FGGY: variants seen among roughly 807,000 people sequenced by gnomAD.
The protein encoded by FGGY is FGGY carbohydrate kinase domain-containing protein.
Under a neutral mutation model 71.3 loss-of-function variants are expected in FGGY, and 72 were observed. The ratio of observed to expected loss-of-function variants is 1.01; its 90% CI spans 0.84 to 1.23. The LOEUF is 1.23. FGGY is among the 50% of genes most tolerant of loss of function. The pLI, the probability that FGGY is intolerant of heterozygous loss-of-function variation, is 0.00. For synonymous variants in FGGY, 251 were observed against 250.3 expected, an observed-to-expected ratio of 1.00 and a Z score of -0.02; for missense variants, 668 against 682.3, an observed-to-expected ratio of 0.98 and a Z score of 0.23.
intron 5 of FGGY, among the ~76,000 whole-genome samples, chr1:59,431,851 A>G (rs1484010820): frequency 4.6e-5 from 7 of 152,038 alleles, no homozygotes; most frequent in Non-Finnish European, 7.4e-5. Context: ...TTAGACTTTG[A>G]CTCTGGTTCC....
At chr1:59,718,165 A>C (rs2097858573) in intron 14 of FGGY, among the ~76,000 whole-genome samples, 1 of 152,220 alleles carries the variant, frequency 6.6e-6, no homozygotes, top group Non-Finnish European at 1.5e-5. Context: ...TTGACTAAAG[A>C]TCAAACAACT....
At chr1:59,654,793 G>A (rs907590288) in intron 11 of FGGY, among the ~76,000 whole-genome samples, 5 of 152,128 alleles carry the variant, frequency 3.3e-5, no homozygotes, top group East Asian at 1.9e-4. Context: ...ACCTACACTC[G>A]ACTAGGATCC....
intron 1 of FGGY, among the ~76,000 whole-genome samples, chr1:59,300,602 A>G (rs1369233996): frequency 6.6e-6 from 1 of 152,178 alleles, no homozygotes; most frequent in African/African-American, 2.4e-5. Flanking sequence ...CTATTTTTAA[A>G]AGAAGTTTTG....
rs6703324 is a variant in FGGY, at chr1:59,642,917, C to T, written c.1221+4542C>T. Among the ~76,000 whole-genome samples the T allele has an allele frequency of 4.1e-3, 618 of 151,310 alleles. 2 individuals carry two copies. The highest frequency in any genetic ancestry group is 0.014 in the African/African-American group (572 of 41,224). ...GGGCATGGTGGCGGGTGGCTGTAGT[C>T]CCAGCTACTCGGGAGGCTGAGGCAG... is the stretch of plus-strand genomic sequence containing the variant. On this transcript the variant is annotated intron_variant, in intron 11 of 15. Transcript: ENST00000303721.
chr1:59,676,335 T>C (rs4451573), intron 14 of FGGY, among the ~76,000 whole-genome samples: 2,297 of 152,248 alleles, frequency 0.015, 57 homozygotes, highest in African/African-American at 0.052. Context: ...TGTCATTCTT[T>C]TTCTAATTTG....
At chr1:59,502,842 C>T (rs904683890) in intron 6 of FGGY, among the ~76,000 whole-genome samples, 6 of 152,146 alleles carry the variant, frequency 3.9e-5, no homozygotes, top group African/African-American at 9.7e-5. Context: ...TTCAAAATCC[C>T]GTGTCTCTGT....
intron 8 of FGGY, among the ~76,000 whole-genome samples, chr1:59,592,289 G>A (rs528558437): frequency 5.2e-4 from 79 of 152,146 alleles, no homozygotes; most frequent in Admixed American, 1.8e-3. Context: ...GAAACAACAG[G>A]TGCTGGAGAG....
chr1:59,407,227 T>C (rs1057204966), intron 5 of FGGY, among the ~76,000 whole-genome samples: 7 of 152,196 alleles, frequency 4.6e-5, no homozygotes, highest in African/African-American at 1.7e-4. Context: ...TTTTAGCTGA[T>C]GGGTGGAAGA....
At chr1:59,323,461 C>A (rs1197965342) in intron 2 of FGGY, among the ~76,000 whole-genome samples, 3 of 152,190 alleles carry the variant, frequency 2.0e-5, no homozygotes, top group Admixed American at 2.0e-4. Context: ...GATATGTGGG[C>A]ATGTGCCAGA....
intron 14 of FGGY, among the ~76,000 whole-genome samples, chr1:59,698,364 C>T (rs969345467): frequency 6.6e-6 from 1 of 152,050 alleles, no homozygotes; most frequent in African/African-American, 2.4e-5. Context: ...CCATGCCCAC[C>T]CCGCAGTTCC....
chr1:59,373,844 G>C (rs1221813175), intron 4 of FGGY, among the ~76,000 whole-genome samples: 1 of 152,188 alleles, frequency 6.6e-6, no homozygotes, highest in Non-Finnish European at 1.5e-5. Context: ...TGGGAAAACT[G>C]GCTAGCCAGG....
chr1:59,635,232 A>G (rs2096945692), intron 10 of FGGY, among the ~76,000 whole-genome samples: 2 of 152,254 alleles, frequency 1.3e-5, no homozygotes, highest in Admixed American at 6.5e-5. Context: ...CAGATAGCAC[A>G]CATGGTAAGG....
chr1:59,568,327 T>C (rs2095912078), intron 8 of FGGY, among the ~76,000 whole-genome samples: 1 of 152,160 alleles, frequency 6.6e-6, no homozygotes, highest in Non-Finnish European at 1.5e-5. Context: ...CATCTGGCCT[T>C]TGGGCATGTT....
chr1:59,538,694 A>C (rs1399027218), intron 7 of FGGY, among the ~76,000 whole-genome samples: 1 of 152,092 alleles, frequency 6.6e-6, no homozygotes, highest in African/African-American at 2.4e-5. Context: ...GTCCTTTGTT[A>C]GGGACATGGA....
intron 11 of FGGY, among the ~76,000 whole-genome samples, chr1:59,645,089 C>T (rs1346435598): frequency 6.6e-6 from 1 of 152,106 alleles, no homozygotes; most frequent in Non-Finnish European, 1.5e-5. Flanking sequence ...ATGGTTTTTA[C>T]CACTGCAAAG....
intron 13 of FGGY, among the ~76,000 whole-genome samples, chr1:59,672,666 G>A (rs887809760): frequency 6.6e-5 from 10 of 152,162 alleles, no homozygotes; most frequent in Non-Finnish European, 1.3e-4. Context: ...TTTTCTCTGG[G>A]TAGCTGGAGG....
chr1:59,403,983 TTAA>T (rs1311235648), intron 5 of FGGY, among the ~76,000 whole-genome samples: 1 of 152,210 alleles, frequency 6.6e-6, no homozygotes, highest in Non-Finnish European at 1.5e-5. Context: ...TCAGTTGTTA[TTAA>T]TAATAATTAT....
intron 4 of FGGY, among the ~76,000 whole-genome samples, chr1:59,367,263 T>C (rs1282545044): frequency 1.3e-5 from 2 of 152,230 alleles, no homozygotes; most frequent in Admixed American, 6.5e-5. Flanking sequence ...TTCTGAGAAG[T>C]TTCTGGCTGA....
intron 6 of FGGY, among the ~76,000 whole-genome samples, chr1:59,466,844 A>T (rs2092662163): frequency 6.6e-6 from 1 of 152,192 alleles, no homozygotes; most frequent in Non-Finnish European, 1.5e-5. Context: ...ATCATTAAAC[A>T]GGAAACAACA....
Sources: allele counts gnomAD v4.1 joint callset (sites outside exome capture counted in the v4.1 genomes callset), GRCh38; gene constraint gnomAD v4.1.1; transcripts MANE v1.5; gene names NCBI Gene and HGNC (gene_info 2026-07-23, HGNC 2026-07-21).